Variants in IRAK2 observed in about 807,000 individuals in gnomAD.
IRAK2 encodes the protein interleukin 1 receptor associated kinase 2, also known as interleukin-1 receptor-associated kinase-like 2.
In IRAK2, 57 loss-of-function variants were observed where a neutral mutation model predicts 72.0. The observed-to-expected ratio is 0.79, with a 90% CI of 0.64 to 0.99. The LOEUF is 0.99. Ranked by LOEUF, IRAK2 falls within the 50% of genes least tolerant of loss-of-function variation. IRAK2 has a pLI of 0.00. For missense variants in IRAK2, 790 were observed against 794.4 expected (o/e 0.99, Z 0.07); for synonymous variants, 293 against 312.7 (o/e 0.94, Z 0.67).
At chr3:10,241,071 G>T (rs62240097) in intron 12 of IRAK2, among the ~76,000 whole-genome samples, 1,730 of 151,882 alleles carry the variant, frequency 0.011, 7 homozygotes, top group Middle Eastern at 0.037. Flanking sequence ...TTTCTGGAAG[G>T]CCAGGGTAGG....
chr3:10,198,459 T>C (rs1312930003), intron 2 of IRAK2, among the ~76,000 whole-genome samples: 1 of 152,182 alleles, frequency 6.6e-6, no homozygotes, highest in Admixed American at 6.6e-5. Context: ...GGTGTTTCAA[T>C]AGTTCTGCCC....
In IRAK2 at chr3:10,200,653, C is replaced by A. The variant is rs1360070727; in HGVS notation, c.424+138C>A. On this transcript the variant is annotated intron_variant, in intron 3 of 12. Transcript: ENST00000256458. The stretch of plus-strand genomic sequence containing the variant: ...GTGGCCCATGCCTATAATCCCAGCT[C>A]CGTGAGGCTGAGGCGGGAGGATGGC... The A allele has an allele frequency of 2.4e-5, 16 of 673,840 alleles. No homozygotes were observed. The South Asian group carries it at 4.8e-4, about 20-fold the overall frequency. 41.7% of individuals were successfully genotyped at this position (673,840 alleles called of 1,614,324 possible).
intron 1 of IRAK2, among the ~76,000 whole-genome samples, chr3:10,167,766 C>A (rs190650565): frequency 3.0e-4 from 45 of 152,226 alleles, no homozygotes; most frequent in Admixed American, 1.4e-3. Flanking sequence ...TACTACATTT[C>A]ATTCATTTAT....
At chr3:10,200,165 G>A (rs1353382639) in intron 2 of IRAK2, among the ~76,000 whole-genome samples, 1 of 152,154 alleles carries the variant, frequency 6.6e-6, no homozygotes, top group Non-Finnish European at 1.5e-5. Context: ...TGGGATTACA[G>A]GTGTGAGCCA....
At chr3:10,209,734 C>G in intron 4 of IRAK2, 42 bp downstream of exon 4, 1 of 1,238,888 alleles carries the variant, frequency 8.1e-7, no homozygotes, top group Non-Finnish European at 1.1e-6. Context: ...CCATGTCTCC[C>G]AGCGTGTAGT....
chr3:10,241,763 G>A (rs1008510256), intron 12 of IRAK2, among the ~76,000 whole-genome samples: 2 of 137,186 alleles, frequency 1.5e-5, no homozygotes, highest in East Asian at 2.2e-4. Flanking sequence ...TTAACTGTGT[G>A]TGTCGTCCAG....
chr3:10,238,719 T>C, intron 11 of IRAK2, 29 bp from the exon 12 acceptor site: 1 of 1,601,414 alleles, frequency 6.2e-7, no homozygotes, highest in Non-Finnish European at 8.5e-7. Flanking sequence ...GAATTCCTGA[T>C]GAGCTCCCTT....
chr3:10,181,306 G>GT (rs1450869809), intron 2 of IRAK2, among the ~76,000 whole-genome samples: 1 of 151,228 alleles, frequency 6.6e-6, no homozygotes, highest in African/African-American at 2.4e-5. Context: ...GTGACTTTGT[G>GT]TTAAAAAAAA....
intron 2 of IRAK2, among the ~76,000 whole-genome samples, chr3:10,181,233 C>G (rs1696954638): frequency 6.6e-6 from 1 of 152,116 alleles, no homozygotes; most frequent in African/African-American, 2.4e-5. Flanking sequence ...GCCCGGTGCT[C>G]CTGAGCCGCT....
chr3:10,165,879 C>T (rs532345685), intron 1 of IRAK2, among the ~76,000 whole-genome samples: 90 of 152,162 alleles, frequency 5.9e-4, no homozygotes, highest in East Asian at 3.3e-3. Context: ...TACAGGCGCC[C>T]GCCACCACGC....
At chr3:10,191,090 C>T (rs535439635) in intron 2 of IRAK2, among the ~76,000 whole-genome samples, 6 of 152,070 alleles carry the variant, frequency 3.9e-5, no homozygotes, top group South Asian at 2.1e-4. Flanking sequence ...GTCAGGAGAT[C>T]GAGACCATCC....
chr3:10,219,866 C>A, intron 8 of IRAK2, 77 bp downstream of exon 8: 1 of 893,742 alleles, frequency 1.1e-6, no homozygotes, highest in Non-Finnish European at 1.9e-6. Context: ...GCTCACCTCC[C>A]GCTCCGCCAC....
intron 9 of IRAK2, among the ~76,000 whole-genome samples, chr3:10,223,339 A>G (rs199811476): frequency 7.2e-6 from 1 of 139,366 alleles, no homozygotes; most frequent in East Asian, 2.1e-4. Context: ...CCAGCATCCC[A>G]CCCTACCACC....
At chr3:10,185,004 T>A (rs1418161385) in intron 2 of IRAK2, among the ~76,000 whole-genome samples, 1 of 150,906 alleles carries the variant, frequency 6.6e-6, no homozygotes, top group Admixed American at 6.6e-5. Context: ...GTGCTGGGAT[T>A]ACAGGCGTGA....
chr3:10,234,684 G>T, intron 11 of IRAK2, 25 bp downstream of exon 11: 4 of 1,600,914 alleles, frequency 2.5e-6, no homozygotes, highest in Non-Finnish European at 3.4e-6. Context: ...CAGCGGCCTC[G>T]CTGCCTGGGC....
chr3:10,182,053 T>C (rs1045939361), intron 2 of IRAK2, among the ~76,000 whole-genome samples: 2 of 149,534 alleles, frequency 1.3e-5, no homozygotes, highest in African/African-American at 2.5e-5. Flanking sequence ...CCGCAACCTC[T>C]GCCTCCCAGG....
rs1697719960 is a variant in IRAK2 at position 10,222,947 on chromosome 3, CA to C, written c.1209+117del. On this transcript the variant is annotated intron_variant, in intron 9 of 12. Coordinates refer to ENST00000256458, the MANE Select transcript of IRAK2 (RefSeq NM_001570.4). Reference sequence around the variant, plus strand: ...ACAGACAGGTTCCATCAAAGTACAACAGGGGCTGACAAACTGTGGCCCACAG... The same window carrying C: ...ACAGACAGGTTCCATCAAAGTACAACGGGGCTGACAAACTGTGGCCCACAG... The C allele has an allele frequency of 3.3e-6, 3 of 919,950 alleles. No individual in the cohort carries two copies. In the African/African-American group the frequency reaches 4.9e-5, roughly 15 times the overall value. The allele number at this position is 919,950 out of a possible 1,614,324, so 57.0% of individuals were successfully genotyped here.
chr3:10,196,703 C>T (rs1697272882), intron 2 of IRAK2, among the ~76,000 whole-genome samples: 1 of 152,244 alleles, frequency 6.6e-6, no homozygotes, highest in Non-Finnish European at 1.5e-5. Flanking sequence ...TGCCTCAGTG[C>T]TGCCTGCCTC....
chr3:10,180,047 G>C (rs1269232361), intron 2 of IRAK2, among the ~76,000 whole-genome samples: 1 of 152,204 alleles, frequency 6.6e-6, no homozygotes, highest in African/African-American at 2.4e-5. Context: ...TCCTCTGAGA[G>C]AACAGGATCA....
Sources: allele counts gnomAD v4.1 joint callset (sites outside exome capture counted in the v4.1 genomes callset), GRCh38; gene constraint gnomAD v4.1.1; transcripts MANE v1.5; gene names NCBI Gene and HGNC (gene_info 2026-07-23, HGNC 2026-07-21).